The following LRRC43 variants were observed in gnomAD, a reference collection of about 807,000 sequenced individuals.
LRRC43 encodes the protein leucine-rich repeat-containing protein 43.
Under a neutral mutation model 64.3 loss-of-function variants are expected in LRRC43, and 62 were observed. That is an observed-to-expected ratio of 0.96 (90% CI 0.79 to 1.19). The LOEUF (loss-of-function observed/expected upper bound fraction) is 1.19. LRRC43 is among the 50% of genes most tolerant of loss of function. LRRC43 has a pLI of 0.00. For synonymous variants in LRRC43, 422 were observed against 382.3 expected (o/e 1.10, Z -1.21); for missense variants, 868 against 845.0 (o/e 1.03, Z -0.34).
chr12:122,173,093 A>G (rs1372838206), intron 1 of LRRC43, among the ~76,000 whole-genome samples: 1 of 152,062 alleles, frequency 6.6e-6, no homozygotes, highest in Non-Finnish European at 1.5e-5. Flanking sequence ...CGCACGCTCC[A>G]CTTATAAAGG....
At chr12:122,201,450 G>T (rs1048734718) in intron 11 of LRRC43, 121 bp downstream of exon 11, 1 of 830,352 alleles carries the variant, frequency 1.2e-6, no homozygotes, top group Non-Finnish European at 2.1e-6. Context: ...CTGGGGAGAG[G>T]CCACATCCCC....
At chr12:122,193,027 G>C in intron 7 of LRRC43, 23 bp downstream of exon 7, 6 of 1,611,440 alleles carry the variant, frequency 3.7e-6, no homozygotes, top group Non-Finnish European at 5.1e-6. Context: ...ATCTGAACCA[G>C]GGCAAGTGGT....
At chr12:122,197,057 T>A (rs1953779625) in intron 7 of LRRC43, among the ~76,000 whole-genome samples, 1 of 152,242 alleles carries the variant, frequency 6.6e-6, no homozygotes, top group African/African-American at 2.4e-5. Flanking sequence ...AGGTCATTTA[T>A]CTCCTAGTGG....
In LRRC43 at chr12:122,200,397, C is replaced by T. The variant is rs919959372; in HGVS notation, c.1491+67C>T. On this transcript the variant is annotated intron_variant, in intron 8 of 11. Transcript: ENST00000339777. The surrounding 1 kb of genome is among the most constrained non-coding windows in gnomAD (Gnocchi z 4.6). The stretch of plus-strand genomic sequence containing the variant: ...CTTCTGTCCTTGTTCCTGTTCCCAT[C>T]GGGCTGTCCCCCATGGGAGCCGCAC... The T allele has an allele frequency of 1.5e-5, 24 of 1,605,026 alleles. No individual in the cohort carries two copies. The highest frequency in any genetic ancestry group is 2.7e-5 in the African/African-American group (2 of 74,780).
intron 4 of LRRC43, 61 bp from the exon 5 acceptor site, chr12:122,190,069 G>A: frequency 1.4e-6 from 2 of 1,406,186 alleles, no homozygotes; most frequent in Non-Finnish European, 2.0e-6. Context: ...TTTGGCCACA[G>A]GCTGCTTGCC....
chr12:122,198,928 C>A (rs1268522080), intron 7 of LRRC43, among the ~76,000 whole-genome samples: 2 of 151,688 alleles, frequency 1.3e-5, no homozygotes, highest in Non-Finnish European at 2.9e-5. Context: ...CCACTGAGCC[C>A]GGCCCATATC....
chr12:122,186,157 C>A lies in LRRC43; in HGVS notation c.412-33C>A, dbSNP rs750691595. ...TTCTGTGCCCGTGCTCCCTCTCCTG[C>A]TACAGCCCTCAGCTTCCTCTCCCCT... On this transcript the variant is annotated intron_variant, in intron 2 of 11. Transcript: ENST00000339777. 4 of 1,275,202 alleles carry A rather than the reference C, an allele frequency of 3.1e-6. No individual in the cohort carries two copies. The South Asian group carries it at 5.1e-5, about 16-fold the overall frequency. The allele number at this position is 1,275,202 out of a possible 1,614,324, so 79.0% of individuals were successfully genotyped here. A position where few individuals can be genotyped will look rare whatever the true frequency, so the allele number is the denominator to read the frequency against.
chr12:122,191,466 A>C lies in LRRC43; in HGVS notation c.988A>C (p.Arg330=), dbSNP rs11060167. ...CACCTCTGTCTTAGACCCGGAACCCAGGCCCGAAGGCCCTTTCATCACTTA... is the reference window on the plus strand; with the variant it reads ...CACCTCTGTCTTAGACCCGGAACCCCGGCCCGAAGGCCCTTTCATCACTTA... ...LDTSVLDPEP[R]PEGPFITYNY... is the part of the protein sequence containing the mutation. Residue 330 remains arginine, a synonymous_variant, in exon 6 of 12, where the codon AGG becomes CGG. Coordinates refer to ENST00000339777, the MANE Select transcript of LRRC43 (RefSeq NM_001098519.2). 0.27 allele frequency: 439,336 copies of C among 1,613,684 alleles called. 66,090 individuals carry two copies. Among genetic ancestry groups the C allele is most frequent in the East Asian group, 0.7 (31,448 of 44,840 alleles).
intron 1 of LRRC43, chr12:122,174,028 C>A: frequency 6.2e-7 from 1 of 1,613,370 alleles, no homozygotes; most frequent in Non-Finnish European, 8.5e-7. Context: ...GCATACATCA[C>A]ACACCCCTGC....
intron 3 of LRRC43, among the ~76,000 whole-genome samples, chr12:122,186,671 C>G (rs1953648335): frequency 6.6e-6 from 1 of 152,178 alleles, no homozygotes; most frequent in East Asian, 1.9e-4. Context: ...GTAATCCCAG[C>G]ACTTTGGGAG....
intron 10 of LRRC43, 130 bp from the exon 11 acceptor site, chr12:122,201,166 C>T (rs1252995612): frequency 1.8e-6 from 2 of 1,089,254 alleles, no homozygotes; most frequent in East Asian, 2.4e-5. Context: ...CTGGGGCAGC[C>T]ACCCTCACCA....
rs1351112145 is a variant in LRRC43, at chr12:122,172,594, C to G, written c.-406+4812C>G. Reference sequence around the variant, plus strand: ...TTGTCGAGGTGCTCTATGATCTCATCAATAACAGATTTGTTGTCTAGCTGT... The same window carrying G: ...TTGTCGAGGTGCTCTATGATCTCATGAATAACAGATTTGTTGTCTAGCTGT... On this transcript the variant is annotated intron_variant, in intron 1 of 5. Coordinates refer to the LRRC43 transcript ENST00000537729. 3.1e-6 allele frequency: 5 copies of G among 1,614,056 alleles called. No individual in the cohort carries two copies. In the African/African-American group the frequency reaches 6.7e-5, roughly 22 times the overall value.
chr12:122,189,685 C>T (rs1466595414), intron 4 of LRRC43, among the ~76,000 whole-genome samples: 1 of 152,166 alleles, frequency 6.6e-6, no homozygotes, highest in Non-Finnish European at 1.5e-5. Flanking sequence ...CTCTGGCTCC[C>T]TCCTCCCACT....
chr12:122,194,684 T>G (rs1953757641), intron 7 of LRRC43, among the ~76,000 whole-genome samples: 1 of 152,142 alleles, frequency 6.6e-6, no homozygotes, highest in East Asian at 1.9e-4. Flanking sequence ...TTGACCAGGT[T>G]GGTCTTGAAC....
chr12:122,173,911 C>T lies in LRRC43; in HGVS notation c.-406+6129C>T, dbSNP rs756327888. 1.7e-5 allele frequency: 27 copies of T among 1,613,938 alleles called. No homozygotes were observed. The highest frequency in any genetic ancestry group is 1.6e-4 in the Middle Eastern group (1 of 6,084). On this transcript the variant is annotated intron_variant, in intron 1 of 5. Coordinates refer to the LRRC43 transcript ENST00000537729. ...TATTTTCTGTACATCATCACTTGGT[C>T]GTAGTAAACGGACGGGCAACGTGTG... is the stretch of plus-strand genomic sequence containing the variant.
At position 122,184,438 on chromosome 12, in the gene LRRC43, T is replaced by G; in HGVS notation, c.151-81T>G. ...CTCTATCCCTAATCGTCCAGTTTTA[T>G]GATCTGTTCTGTTTTGAGAGTTTGG... On this transcript the variant is annotated intron_variant, in intron 1 of 11. Coordinates refer to ENST00000339777, the MANE Select transcript of LRRC43 (RefSeq NM_001098519.2). The surrounding 1 kb of genome is among the most constrained non-coding windows in gnomAD (Gnocchi z 4.0). The G allele has an allele frequency of 1.1e-5, 17 of 1,504,270 alleles. No homozygotes were observed. Among genetic ancestry groups the G allele is most frequent in the Non-Finnish European group, 1.3e-5 (15 of 1,112,836 alleles). The allele number at this position is 1,504,270 out of a possible 1,614,324, so 93.2% of individuals were successfully genotyped here. A position where few individuals can be genotyped will look rare whatever the true frequency, so the allele number is the denominator to read the frequency against.
At chr12:122,179,387 C>G (rs1458611683), upstream of LRRC43, among the ~76,000 whole-genome samples, 2 of 152,202 alleles carry the variant, frequency 1.3e-5, no homozygotes, top group African/African-American at 4.8e-5. Context: ...ACTGTAGGTG[C>G]AAGCCACGTG....
In LRRC43 at chr12:122,184,395, A is replaced by C; in HGVS notation, c.151-124A>C. The stretch of plus-strand genomic sequence containing the variant: ...AGGCATGAGCCACCGCACCTGGCCT[A>C]CTCTCTAGATTTCTAAACTCTATCC... On this transcript the variant is annotated intron_variant, in intron 1 of 11. Transcript: ENST00000339777. This position sits in a 1 kb window ranked among gnomAD's most constrained non-coding sequence, Gnocchi z 4.0. 7.9e-7 allele frequency: 1 copy of C among 1,268,024 alleles called. No individual in the cohort carries two copies. The highest frequency in any genetic ancestry group is 2.5e-5 in the East Asian group (1 of 39,240). 78.5% of individuals were successfully genotyped at this position (1,268,024 alleles called of 1,614,324 possible).
At chr12:122,190,028 CAGAA>C (rs777817889) in intron 4 of LRRC43, 98 bp from the exon 5 acceptor site, 11 of 974,448 alleles carry the variant, frequency 1.1e-5, no homozygotes, top group Non-Finnish European at 1.8e-5. Context: ...CGTGGATGGG[CAGAA>C]TCCTTAGCCC....
Sources: gnomAD v4.1 joint callset for allele counts (sites outside exome capture counted in the v4.1 genomes callset) on GRCh38, gnomAD v4.1.1 for gene constraint, Gnocchi (gnomAD v3.1) non-coding constraint, MANE v1.5 for transcripts, NCBI Gene and HGNC (gene_info 2026-07-23, HGNC 2026-07-21) for gene names.